CCDC22: variants seen among roughly 807,000 people sequenced by gnomAD.
CCDC22 encodes coiled-coil domain-containing protein 22.
CCDC22 carries 4 observed loss-of-function variants against 53.1 expected under a neutral mutation model. The ratio of observed to expected loss-of-function variants is 0.08; its 90% CI spans 0.04 to 0.17. The LOEUF is 0.17. Ranked by LOEUF, CCDC22 falls within the 10% of genes least tolerant of loss-of-function variation. CCDC22 has a pLI of 1.00. For missense variants in CCDC22, 458 were observed against 554.0 expected, an observed-to-expected ratio of 0.83 and a Z score of 1.74; for synonymous variants, 222 against 224.4, an observed-to-expected ratio of 0.99 and a Z score of 0.10.
rs782290187 is a variant in CCDC22 at position 49,242,956 on chromosome X, G to A, written c.432G>A (p.Pro144=). ...ACCAGCTGGCACTGCCTTGGGTCCC[G>A]CCCCACCTTCGCACTCCCAAGCTGC... is the stretch of plus-strand genomic sequence containing the variant. ...IRDQLALPWV[P]PHLRTPKLQH... is the part of the protein sequence containing the mutation. Residue 144 remains proline, a synonymous_variant, in exon 4 of 17, where the codon CCG becomes CCA. Coordinates refer to ENST00000376227, the MANE Select transcript of CCDC22 (RefSeq NM_014008.5). 26 of 1,164,021 alleles carry A rather than the reference G, an allele frequency of 2.2e-5. No individual in the cohort carries two copies. The highest frequency in any genetic ancestry group is 8.0e-5 in the South Asian group (4 of 49,873).
rs782160854 is a variant in CCDC22 at position 49,248,835 on chromosome X, C to T, written c.1450C>T (p.Leu484=). Reference sequence around the variant, plus strand: ...TGCCTAGATGTCAGAGCTGGAGACTCTGCCCAGAGATGTGTCCCGGCTGGC... The same window carrying T: ...TGCCTAGATGTCAGAGCTGGAGACTTTGCCCAGAGATGTGTCCCGGCTGGC... ...YKQLMSELET[L]PRDVSRLAYT... Residue 484 remains leucine (L), a synonymous_variant, in exon 13 of 17, where the codon CTG becomes TTG. Coordinates refer to ENST00000376227, the MANE Select transcript of CCDC22 (RefSeq NM_014008.5). The T allele has an allele frequency of 9.9e-6, 12 of 1,208,684 alleles. No homozygotes were observed. The highest frequency in any genetic ancestry group is 1.3e-5 in the Non-Finnish European group (12 of 894,628).
intron 1 of CCDC22, among the ~76,000 whole-genome samples, chrX:49,236,144 C>G (rs1432165166): frequency 9.2e-6 from 1 of 109,071 alleles, no homozygotes; most frequent in Admixed American, 9.8e-5. Flanking sequence ...GGACCAGATA[C>G]TTGGGATCCT....
At position 49,237,398 on chromosome X, in the gene CCDC22, T is replaced by G. The variant is rs2065942943; in HGVS notation, c.228+135T>G. 6.6e-6 allele frequency: 4 copies of G among 603,878 alleles called. No individual in the cohort carries two copies. The South Asian group carries it at 1.3e-4, about 19-fold the overall frequency. The allele number at this position is 603,878 out of a possible 1,213,427, so 49.8% of individuals were successfully genotyped here. A position where few individuals can be genotyped will look rare whatever the true frequency, so the allele number is the denominator to read the frequency against. On this transcript the variant is annotated intron_variant, in intron 2 of 16. Coordinates refer to ENST00000376227, the MANE Select transcript of CCDC22 (RefSeq NM_014008.5). Reference sequence around the variant, plus strand: ...CAACACTTGCCTTTCCTCTGTCATTTTTCCTGCGGCTTAGTTTTCATTAGT... The same window carrying G: ...CAACACTTGCCTTTCCTCTGTCATTGTTCCTGCGGCTTAGTTTTCATTAGT...
chrX:49,249,566 G>A lies in CCDC22; in HGVS notation c.1693G>A (p.Glu565Lys), dbSNP rs140671002. ...CTATAAGTATCTAGCTGCTCTGCACGAGGTGAGGGGAGACATGTGCCTGGG... is the reference window on the plus strand; with the variant it reads ...CTATAAGTATCTAGCTGCTCTGCACAAGGTGAGGGGAGACATGTGCCTGGG... ...KAYKYLAALH[E>K]NCSQLIQTIE... is the part of the protein sequence containing the mutation. The change falls in exon 15 of 17, where the codon GAG (glutamate) becomes AAG (lysine). Residue 565 changes from glutamate to lysine, a missense_variant and splice_region_variant. Transcript: ENST00000376227. The A allele has an allele frequency of 3.4e-6, 4 of 1,191,192 alleles. No homozygotes were observed. Among genetic ancestry groups the A allele is most frequent in the African/African-American group, 3.6e-5 (2 of 54,993 alleles).
At chrX:49,238,667 T>TCTCCTGC (rs1483993463) in intron 2 of CCDC22, among the ~76,000 whole-genome samples, 1 of 110,811 alleles carries the variant, frequency 9.0e-6, no homozygotes, top group Non-Finnish European at 1.9e-5. Context: ...CTCAAGAGAT[T>TCTCCTGC]CTCCTGCCTC....
intron 2 of CCDC22, among the ~76,000 whole-genome samples, chrX:49,240,246 C>T (rs1230187929): frequency 2.4e-5 from 2 of 82,006 alleles, no homozygotes; most frequent in Non-Finnish European, 5.0e-5. Context: ...GAGTGAAACC[C>T]CATCTCCAAA....
chrX:49,242,737 G>T (rs2065969998), intron 3 of CCDC22, 149 bp from the exon 4 acceptor site: 1 of 399,986 alleles, frequency 2.5e-6, no homozygotes, highest in African/African-American at 2.5e-5. Flanking sequence ...TAGGTGCTCG[G>T]TGTTTGTTGA....
Position 49,242,897 on chromosome X carries a change from A to G in CCDC22, c.373A>G (p.Ile125Val), listed in dbSNP as rs782106324. 1.7e-5 allele frequency: 19 copies of G among 1,142,468 alleles called. No homozygotes were observed. The Admixed American group carries it at 5.0e-4, about 30-fold the overall frequency. 94.2% of individuals were successfully genotyped at this position (1,142,468 alleles called of 1,213,427 possible). A position where few individuals can be genotyped will look rare whatever the true frequency, so the allele number is the denominator to read the frequency against. Residue 125 changes from isoleucine to valine, a missense_variant, in exon 4 of 17, where the codon ATT (isoleucine) becomes GTT (valine). Transcript: ENST00000376227. ...CCTATCCCCCATAGGTGACTCAGCT[A>G]TTCTCCTCCGGGCCATTGGGAGCCA... ...DADQPAGDSA[I>V]LLRAIGSQIR...
chrX:49,242,179 G>A (rs924148395), intron 3 of CCDC22, 31 bp downstream of exon 3: 10 of 1,206,266 alleles, frequency 8.3e-6, no homozygotes, highest in Middle Eastern at 2.3e-4. Context: ...GGGCGGGGGC[G>A]GTGAGGGGAG....
Position 49,243,302 on chromosome X carries a change from C to T in CCDC22, c.554C>T (p.Ala185Val), listed in dbSNP as rs782762060. 5 of 1,199,439 alleles carry T rather than the reference C, an allele frequency of 4.2e-6. No homozygotes were observed. The highest frequency in any genetic ancestry group is 1.8e-5 in the South Asian group (1 of 54,924). Residue 185 changes from alanine (A) to valine (V), a missense_variant, in exon 6 of 17, where the codon GCG (alanine) becomes GTG (valine). Physicochemically the swap from Ala to Val is moderately conservative, Grantham distance 64. Around this residue, in one of 4 missense-constraint regions of CCDC22, gnomAD observed 309 missense variants for 312.3 expected, o/e 0.99. Coordinates refer to ENST00000376227, the MANE Select transcript of CCDC22 (RefSeq NM_014008.5). ...SSRGEPREFQ[A>V]SPLLLPVPTQ... The stretch of plus-strand genomic sequence containing the variant: ...CCTCCAGAGCCACGGGAGTTCCAGG[C>T]GAGTCCCCTGCTGCTTCCAGTCCCT...
At chrX:49,244,867 C>T (rs782223242) in intron 6 of CCDC22, among the ~76,000 whole-genome samples, 3 of 110,987 alleles carry the variant, frequency 2.7e-5, no homozygotes, top group African/African-American at 9.8e-5. Context: ...CTCTTCTTCT[C>T]TGTCAACCTC....
intron 15 of CCDC22, 36 bp from the exon 16 acceptor site, chrX:49,249,615 G>GGGGGA: frequency 4.9e-6 from 2 of 406,822 alleles, no homozygotes; most frequent in Non-Finnish European, 9.0e-6. Flanking sequence ...GGGTGGGTGG[G>GGGGGA]ACTGGGTGCA....
intron 7 of CCDC22, 183 bp downstream of exon 7, chrX:49,247,108 A>G (rs2065994531): frequency 2.2e-6 from 1 of 456,246 alleles, no homozygotes; most frequent in Admixed American, 3.5e-5. Flanking sequence ...TGACTGGAGA[A>G]AATGTGGATA....
chrX:49,248,711 AAGG>A lies in CCDC22; in HGVS notation c.1415_1417del (p.Glu472del). 8.3e-7 allele frequency: 1 copy of A among 1,210,152 alleles called. No homozygotes were observed. The highest frequency in any genetic ancestry group is 1.1e-6 in the Non-Finnish European group (1 of 894,929). ...GGCGGCTGCTGAAGAGGCCCGCAGG[AAGG>A]AGGAGGTCTATAAGCAGCTGGTAAG... On this transcript the variant is annotated inframe_deletion, in exon 12 of 17. Transcript: ENST00000376227.
chrX:49,237,153 C>T lies in CCDC22; in HGVS notation c.118C>T (p.Arg40Cys), dbSNP rs782167662. The part of the protein sequence containing the change: ...TTELVVEAVV[R>C]CLRVINPAVG... Reference sequence around the variant, plus strand: ...TGAGCTGGTTGTAGAGGCTGTGGTCCGCTGCCTGCGTGTGATCAACCCTGC... The same window carrying T: ...TGAGCTGGTTGTAGAGGCTGTGGTCTGCTGCCTGCGTGTGATCAACCCTGC... Residue 40 changes from arginine to cysteine, a missense_variant, in exon 2 of 17, where the codon CGC becomes TGC. This residue lies in a region of CCDC22 where 55 missense variants were observed against 106.0 expected (regional missense o/e 0.52). Transcript: ENST00000376227. The T allele has an allele frequency of 9.1e-6, 11 of 1,210,492 alleles. No individual in the cohort carries two copies. The highest frequency in any genetic ancestry group is 3.0e-5 in the East Asian group (1 of 33,776).
In CCDC22 at chrX:49,246,923, C is replaced by G; in HGVS notation, c.907C>G (p.Leu303Val). 8.4e-7 allele frequency: 1 copy of G among 1,186,160 alleles called. No individual in the cohort carries two copies. Among genetic ancestry groups the G allele is most frequent in the Non-Finnish European group, 1.1e-6 (1 of 880,886 alleles). The change falls in exon 7 of 17, where the codon CTG becomes GTG. Residue 303 changes from leucine (L) to valine (V), a missense_variant and splice_region_variant. Physicochemically the swap from Leu to Val is conservative, Grantham distance 32 (BLOSUM62 1). Around this residue, in one of 4 missense-constraint regions of CCDC22, gnomAD observed 309 missense variants for 312.3 expected, o/e 0.99. Coordinates refer to ENST00000376227, the MANE Select transcript of CCDC22 (RefSeq NM_014008.5). ...GCACTCAGAGAAGTTCACCTTCCAT[C>G]TGGTGGGTGCGCCTGAGGACATGAG... ...FTHSEKFTFH[L>V]EPQAQATQVS...
In CCDC22 at chrX:49,248,259, C is replaced by G. The variant is rs151114430; in HGVS notation, c.1161C>G (p.Ser387Arg). The part of the protein sequence containing the change: ...AEREQALRLK[S>R]RAVELLPDGT... Reference sequence around the variant, plus strand: ...GTGAGCAGGCCCTGCGCCTGAAGAGCCGCGCGGTGGAGCTGCTGCCCGATG... The same window carrying G: ...GTGAGCAGGCCCTGCGCCTGAAGAGGCGCGCGGTGGAGCTGCTGCCCGATG... The change falls in exon 10 of 17, where the codon AGC becomes AGG. Residue 387 changes from serine to arginine, a missense_variant. By Grantham distance (110) the Ser-to-Arg change is moderately radical (BLOSUM62 -1). Around this residue, in one of 4 missense-constraint regions of CCDC22, gnomAD observed 309 missense variants for 312.3 expected, o/e 0.99. Transcript: ENST00000376227. 12 of 1,201,412 alleles carry G rather than the reference C, an allele frequency of 1.0e-5. No homozygotes were observed. Among genetic ancestry groups the G allele is most frequent in the African/African-American group, 1.8e-5 (1 of 56,132 alleles).
intron 6 of CCDC22, among the ~76,000 whole-genome samples, chrX:49,244,711 C>T (rs782397769): frequency 2.7e-5 from 3 of 111,403 alleles, no homozygotes; most frequent in South Asian, 3.8e-4. Flanking sequence ...CAGGTGCGTG[C>T]GCCCGGCTAA....
At chrX:49,244,500 CCT>C (rs1186059172) in intron 6 of CCDC22, among the ~76,000 whole-genome samples, 1 of 110,872 alleles carries the variant, frequency 9.0e-6, no homozygotes, top group Non-Finnish European at 1.9e-5. Context: ...CTCCCTTCTT[CCT>C]CTCTGTCCAC....
Sources: gnomAD v4.1 joint callset for allele counts (sites outside exome capture counted in the v4.1 genomes callset) on GRCh38, gnomAD v4.1.1 for gene constraint, gnomAD v4.1.1 regional missense constraint, MANE v1.5 for transcripts, NCBI Gene and HGNC (gene_info 2026-07-23, HGNC 2026-07-21) for gene names.